The following RARB variants were observed in gnomAD, a reference collection of about 807,000 sequenced individuals.
The protein encoded by RARB is HBV-activated protein.
In RARB, 17 loss-of-function variants were observed where a neutral mutation model predicts 51.9. That is an observed-to-expected ratio of 0.33 (90% CI 0.22 to 0.49). The LOEUF (loss-of-function observed/expected upper bound fraction) is 0.49. Among genes scored for constraint, RARB ranks in the 20% least tolerant of loss-of-function variants. The pLI, the probability that RARB is intolerant of heterozygous loss-of-function variation, is 0.99. For missense variants in RARB, 369 were observed against 550.8 expected (o/e 0.67, Z 3.30); for synonymous variants, 215 against 195.4 (o/e 1.10, Z -0.84).
At chr3:25,329,987 C>A (rs576162283) in intron 5 of RARB, among the ~76,000 whole-genome samples, 2 of 152,100 alleles carry the variant, frequency 1.3e-5, no homozygotes, top group Non-Finnish European at 2.9e-5. Context: ...AAGAAATGAA[C>A]AAATCCTCCA....
chr3:25,218,792 A>G (rs991419500), intron 5 of RARB, among the ~76,000 whole-genome samples: 1 of 152,194 alleles, frequency 6.6e-6, no homozygotes, highest in East Asian at 1.9e-4. Flanking sequence ...TAGGAAATCG[A>G]GGCTCAGAGA....
In RARB at chr3:25,260,585, T is replaced by C. The variant is rs181787958; in HGVS notation, c.178+86010T>C. Reference sequence around the variant, plus strand: ...CAAATCAGAATTGAGCCAAGTCTTATAAACTGCAACCCAACCCCAACCCAG... The same window carrying C: ...CAAATCAGAATTGAGCCAAGTCTTACAAACTGCAACCCAACCCCAACCCAG... On this transcript the variant is annotated intron_variant, in intron 5 of 11. Coordinates refer to the RARB transcript ENST00000383772. Among the ~76,000 whole-genome samples the C allele has an allele frequency of 5.8e-3, 888 of 152,212 alleles. 3 individuals are homozygous for C. The highest frequency in any genetic ancestry group is 0.027 in the Middle Eastern group (8 of 294).
chr3:25,538,093 A>G (rs912463564), intron 3 of RARB, among the ~76,000 whole-genome samples: 5 of 152,104 alleles, frequency 3.3e-5, no homozygotes, highest in Non-Finnish European at 7.4e-5. Context: ...TTTTTTAAGC[A>G]ATGGTGTTTC....
intron 4 of RARB, among the ~76,000 whole-genome samples, chr3:25,141,047 T>C (rs1700099662): frequency 1.3e-5 from 2 of 152,198 alleles, no homozygotes; most frequent in Admixed American, 1.3e-4. Flanking sequence ...GTGACTAACT[T>C]TATTACAATA....
At chr3:25,229,543 G>C (rs1051564397) in intron 5 of RARB, among the ~76,000 whole-genome samples, 2 of 151,744 alleles carry the variant, frequency 1.3e-5, no homozygotes, top group Non-Finnish European at 2.9e-5. Flanking sequence ...ACCCCAACTG[G>C]GTATATTGTA....
chr3:25,443,671 C>T (rs924788811), intron 1 of RARB, among the ~76,000 whole-genome samples: 1 of 151,808 alleles, frequency 6.6e-6, no homozygotes, highest in Non-Finnish European at 1.5e-5. Flanking sequence ...GTGGCTCATG[C>T]CTGTAATCCC....
At chr3:25,312,844 T>C (rs376338481) in intron 5 of RARB, among the ~76,000 whole-genome samples, 1 of 152,168 alleles carries the variant, frequency 6.6e-6, no homozygotes, top group South Asian at 2.1e-4. Flanking sequence ...AGACATGAGC[T>C]CTCTGGTTCT....
chr3:25,366,080 T>C (rs375539096), intron 5 of RARB, among the ~76,000 whole-genome samples: 3 of 152,182 alleles, frequency 2.0e-5, no homozygotes, highest in Admixed American at 2.0e-4. Context: ...CCTATAGGGA[T>C]GAGACACAAC....
intron 2 of RARB, among the ~76,000 whole-genome samples, chr3:24,885,082 G>T (rs1234005871): frequency 3.9e-5 from 6 of 152,232 alleles, no homozygotes. Context: ...GCCAGAATCT[G>T]TTATGTTAGA....
chr3:24,928,588 T>A (rs995200824), intron 2 of RARB, among the ~76,000 whole-genome samples: 7 of 152,092 alleles, frequency 4.6e-5, no homozygotes, highest in African/African-American at 1.7e-4. Context: ...AAAGTTCTTT[T>A]TTGTGGTTGT....
At chr3:25,190,688 C>T (rs1255732843) in intron 5 of RARB, among the ~76,000 whole-genome samples, 2 of 152,128 alleles carry the variant, frequency 1.3e-5, no homozygotes, top group African/African-American at 4.8e-5. Context: ...AATGCCCTTC[C>T]TCCAAAAAGG....
intron 4 of RARB, among the ~76,000 whole-genome samples, chr3:25,154,884 T>C (rs78271923): frequency 2.4e-3 from 361 of 152,284 alleles, no homozygotes; most frequent in African/African-American, 7.9e-3. Context: ...GCTTGTCTTT[T>C]CCCCAGTAGG....
intron 5 of RARB, among the ~76,000 whole-genome samples, chr3:25,307,198 A>T (rs1478595118): frequency 6.6e-6 from 1 of 152,024 alleles, no homozygotes; most frequent in Non-Finnish European, 1.5e-5. Context: ...CAACATAGTG[A>T]ACATATGTGA....
Position 25,030,842 on chromosome 3 carries a change from G to A in RARB, c.-379-29283G>A, listed in dbSNP as rs973608380. Reference sequence around the variant, plus strand: ...TTCAAGAGCAAGGACCTCTTTTCTAGTTTGTCCTCAGCTCATTTTAGATAC... The same window carrying A: ...TTCAAGAGCAAGGACCTCTTTTCTAATTTGTCCTCAGCTCATTTTAGATAC... On this transcript the variant is annotated intron_variant, in intron 2 of 11. Transcript: ENST00000383772. Among the ~76,000 whole-genome samples, 102 of 152,280 alleles carry A rather than the reference G, an allele frequency of 6.7e-4. 1 individual carries two copies. The highest frequency in any genetic ancestry group is 2.4e-3 in the African/African-American group (99 of 41,550).
chr3:24,948,644 G>A (rs1695824705), intron 2 of RARB, among the ~76,000 whole-genome samples: 1 of 152,146 alleles, frequency 6.6e-6, no homozygotes. Context: ...TGTCCCCTCC[G>A]AATCTCATGT....
At chr3:24,983,874 A>T (rs1195370583) in intron 2 of RARB, among the ~76,000 whole-genome samples, 1 of 152,204 alleles carries the variant, frequency 6.6e-6, no homozygotes, top group African/African-American at 2.4e-5. Flanking sequence ...ATGAAAGATA[A>T]TTCAAAACAG....
rs1056907206 is a variant in RARB, at chr3:24,991,957, G to T, written c.-379-68168G>T. ...ACCCTGTGCCAAACTGTGCAGAGGTGTACCTTCCTCCCCTGCTCAGGCTTT... is the reference window on the plus strand; with the variant it reads ...ACCCTGTGCCAAACTGTGCAGAGGTTTACCTTCCTCCCCTGCTCAGGCTTT... On this transcript the variant is annotated intron_variant, in intron 2 of 11. Coordinates refer to the RARB transcript ENST00000383772. Among the ~76,000 whole-genome samples the T allele has an allele frequency of 2.6e-5, 4 of 152,138 alleles. No individual in the cohort carries two copies. In the South Asian group the frequency reaches 6.2e-4, roughly 24 times the overall value.
At chr3:24,920,369 T>G (rs936023648) in intron 2 of RARB, among the ~76,000 whole-genome samples, 1 of 152,202 alleles carries the variant, frequency 6.6e-6, no homozygotes, top group Non-Finnish European at 1.5e-5. Context: ...ATCACAGATT[T>G]AAAATTAGAA....
Position 25,128,192 on chromosome 3 carries a change from A to G in RARB, c.-327-3969A>G, listed in dbSNP as rs573249602. Reference sequence around the variant, plus strand: ...GCAGAATCACTGCAAGTAACTGGGTACATGTAGTGTGTGCAATGAATGTGC... The same window carrying G: ...GCAGAATCACTGCAAGTAACTGGGTGCATGTAGTGTGTGCAATGAATGTGC... On this transcript the variant is annotated intron_variant, in intron 3 of 11. Coordinates refer to the RARB transcript ENST00000383772. Among the ~76,000 whole-genome samples, 6 of 152,216 alleles carry G rather than the reference A, an allele frequency of 3.9e-5. No homozygotes were observed. In the South Asian group the frequency reaches 1.2e-3, roughly 32 times the overall value.
Sources: allele counts gnomAD v4.1 joint callset (sites outside exome capture counted in the v4.1 genomes callset), GRCh38; gene constraint gnomAD v4.1.1; transcripts MANE v1.5; gene names NCBI Gene and HGNC (gene_info 2026-07-23, HGNC 2026-07-21).